The following MGAT4C variants were observed in gnomAD, a reference collection of about 807,000 sequenced individuals.
MGAT4C encodes alpha-1,3-mannosyl-glycoprotein 4-beta-N-acetylglucosaminyltransferase C.
Under a neutral mutation model 40.1 loss-of-function variants are expected in MGAT4C, and 19 were observed. That is an observed-to-expected ratio of 0.47 (90% CI 0.33 to 0.70). The LOEUF (loss-of-function observed/expected upper bound fraction) is 0.70. Ranked by LOEUF, MGAT4C falls within the 30% of genes least tolerant of loss-of-function variation. The probability of loss-of-function intolerance (pLI) is 0.02; values close to 1 mark genes in which losing one functional copy is unlikely to be tolerated. For missense variants in MGAT4C, 491 were observed against 563.2 expected (o/e 0.87, Z 1.30); for synonymous variants, 181 against 187.1 (o/e 0.97, Z 0.27).
Position 86,039,427 on chromosome 12 carries a change from C to CT in MGAT4C, c.-7+10246dup, listed in dbSNP as rs538552527. On this transcript the variant is annotated intron_variant, in intron 2 of 4. Coordinates refer to ENST00000611864, the MANE Select transcript of MGAT4C (RefSeq NM_001351288.2). ...GAGGCTTTGTTTGTTTCTTTTTACT[C>CT]TTTTTTCTCTAATCTTGTCTTCTCA... 9.5e-3 allele frequency among the ~76,000 whole-genome samples: 1,452 copies of CT among 152,218 alleles called. 14 individuals are homozygous for CT. The highest frequency in any genetic ancestry group is 0.015 in the Non-Finnish European group (1,044 of 67,996).
intron 1 of MGAT4C, among the ~76,000 whole-genome samples, chr12:86,789,356 T>G (rs967805453): frequency 6.6e-6 from 1 of 152,106 alleles, no homozygotes; most frequent in Admixed American, 6.6e-5. Flanking sequence ...CTATATTTGC[T>G]TCAGCAAATA....
intron 1 of MGAT4C, among the ~76,000 whole-genome samples, chr12:86,205,797 A>G (rs1950227280): frequency 6.6e-6 from 1 of 152,058 alleles, no homozygotes; most frequent in African/African-American, 2.4e-5. Flanking sequence ...GAATCAGGAA[A>G]TTATTTACTT....
intron 1 of MGAT4C, among the ~76,000 whole-genome samples, chr12:86,097,281 T>C (rs1469491025): frequency 3.3e-5 from 5 of 151,764 alleles, no homozygotes; most frequent in South Asian, 2.1e-4. Flanking sequence ...AGAGGAAAGT[T>C]GTAAGGAGAA....
intron 3 of MGAT4C, among the ~76,000 whole-genome samples, chr12:86,395,261 G>A (rs572581195): frequency 6.6e-6 from 1 of 152,152 alleles, no homozygotes; most frequent in African/African-American, 2.4e-5. Flanking sequence ...TTTTAGAGCT[G>A]GAAGAGATCA....
At chr12:86,330,025 A>G (rs971048517) in intron 4 of MGAT4C, among the ~76,000 whole-genome samples, 3 of 152,240 alleles carry the variant, frequency 2.0e-5, no homozygotes, top group African/African-American at 7.2e-5. Context: ...TCCATGTCAT[A>G]GGACACAGGA....
intron 2 of MGAT4C, among the ~76,000 whole-genome samples, chr12:86,558,002 AATAAAG>A (rs1226127499): frequency 1.3e-5 from 2 of 152,104 alleles, no homozygotes; most frequent in African/African-American, 4.8e-5. Context: ...TAAAAAATTA[AATAAAG>A]ATATAGATGT....
intron 2 of MGAT4C, among the ~76,000 whole-genome samples, chr12:86,535,951 T>C (rs1959060970): frequency 6.6e-6 from 1 of 152,110 alleles, no homozygotes; most frequent in Admixed American, 6.6e-5. Flanking sequence ...CTTGTCAGTA[T>C]TTTGTTGATG....
At chr12:86,750,233 G>A (rs1951214068) in intron 1 of MGAT4C, among the ~76,000 whole-genome samples, 1 of 151,772 alleles carries the variant, frequency 6.6e-6, no homozygotes, top group Admixed American at 6.6e-5. Flanking sequence ...GTGCAAGGAA[G>A]GTTATAGCTC....
intron 2 of MGAT4C, among the ~76,000 whole-genome samples, chr12:86,606,716 C>T (rs4417380): frequency 0.91 from 139,036 of 152,128 alleles, 63,879 homozygotes; most frequent in East Asian, 1. Flanking sequence ...TGTTATGTAT[C>T]AAAGCAAACA....
chr12:86,734,808 G>C (rs1252364110), intron 1 of MGAT4C, among the ~76,000 whole-genome samples: 3 of 152,070 alleles, frequency 2.0e-5, no homozygotes, highest in South Asian at 2.1e-4. Context: ...ACAGTAGCCT[G>C]AACTGATGGG....
intron 3 of MGAT4C, among the ~76,000 whole-genome samples, chr12:86,396,046 C>T (rs957896003): frequency 1.3e-5 from 2 of 151,874 alleles, no homozygotes; most frequent in African/African-American, 2.4e-5. Context: ...TTCTCTTTTA[C>T]TATAGAATTT....
At chr12:86,402,322 G>C (rs1956381710) in intron 3 of MGAT4C, among the ~76,000 whole-genome samples, 2 of 152,094 alleles carry the variant, frequency 1.3e-5, no homozygotes. Flanking sequence ...CTACTCGGGA[G>C]GTTGAGGCAG....
intron 1 of MGAT4C, among the ~76,000 whole-genome samples, chr12:86,738,377 T>C (rs376370592): frequency 5.3e-4 from 81 of 151,624 alleles, no homozygotes; most frequent in Middle Eastern, 3.4e-3. Flanking sequence ...AAAAATTGTA[T>C]CACTTGCTAC....
chr12:86,328,662 A>C (rs995277232), intron 4 of MGAT4C, among the ~76,000 whole-genome samples: 12 of 152,198 alleles, frequency 7.9e-5, no homozygotes, highest in Admixed American at 5.9e-4. Context: ...ATAATATAAG[A>C]CAAATTAAAT....
chr12:86,650,654 T>C (rs1242256704), intron 2 of MGAT4C, among the ~76,000 whole-genome samples: 1 of 151,900 alleles, frequency 6.6e-6, no homozygotes, highest in Non-Finnish European at 1.5e-5. Flanking sequence ...CTATATATTA[T>C]CTGTGATTCT....
At chr12:86,570,559 T>C (rs1467111538) in intron 2 of MGAT4C, among the ~76,000 whole-genome samples, 1 of 151,992 alleles carries the variant, frequency 6.6e-6, no homozygotes, top group Non-Finnish European at 1.5e-5. Context: ...GGCTCAAAAA[T>C]ATGTAATGAA....
At chr12:86,218,503 A>G (rs556087728) in intron 1 of MGAT4C, among the ~76,000 whole-genome samples, 3 of 152,340 alleles carry the variant, frequency 2.0e-5, no homozygotes, top group Non-Finnish European at 4.4e-5. Flanking sequence ...TTAAATTATA[A>G]GAAAAACACT....
chr12:86,382,430 G>A (rs557106818), intron 3 of MGAT4C, among the ~76,000 whole-genome samples: 4 of 152,168 alleles, frequency 2.6e-5, no homozygotes, highest in Non-Finnish European at 5.9e-5. Flanking sequence ...GTTTTAAAAG[G>A]GAAGCAGAGC....
chr12:86,715,178 TA>T (rs1375154531), intron 2 of MGAT4C, among the ~76,000 whole-genome samples: 1 of 152,166 alleles, frequency 6.6e-6, no homozygotes, highest in Non-Finnish European at 1.5e-5. Flanking sequence ...CAAAATCTTT[TA>T]AACAAGTTTT....
Sources: gnomAD v4.1 joint callset for allele counts (sites outside exome capture counted in the v4.1 genomes callset) on GRCh38, gnomAD v4.1.1 for gene constraint, MANE v1.5 for transcripts, NCBI Gene and HGNC (gene_info 2026-07-23, HGNC 2026-07-21) for gene names.